The following MYO6 variants were observed in gnomAD, a reference collection of about 807,000 sequenced individuals.
MYO6 encodes unconventional myosin-VI.
Under a neutral mutation model 178.7 loss-of-function variants are expected in MYO6, and 74 were observed. That is an observed-to-expected ratio of 0.41 (90% confidence interval 0.34 to 0.50). The LOEUF (loss-of-function observed/expected upper bound fraction) is 0.50, where lower values mean the gene tolerates loss of function less well. MYO6 is among the 20% of genes least tolerant of loss of function. The probability of loss-of-function intolerance (pLI) is 0.09; values close to 1 mark genes in which losing one functional copy is unlikely to be tolerated. For synonymous variants in MYO6, 477 were observed against 504.6 expected, an observed-to-expected ratio of 0.95 and a Z score of 0.73; for missense variants, 1,330 against 1,547.4, an observed-to-expected ratio of 0.86 and a Z score of 2.36.
chr6:75,812,494 A>G (rs1770792924), intron 1 of MYO6, among the ~76,000 whole-genome samples: 1 of 152,176 alleles, frequency 6.6e-6, no homozygotes, highest in Non-Finnish European at 1.5e-5. Context: ...TTTAAATGAC[A>G]GTAAGTTACT....
In MYO6 at chr6:75,914,182, A is replaced by C; in HGVS notation, c.3559A>C (p.Ser1187Arg). The change falls in exon 34 of 35, where the codon AGT (serine) becomes CGT (arginine). Residue 1187 changes from serine (S) to arginine (R), a missense_variant. By Grantham distance (110) the Ser-to-Arg change is moderately radical (BLOSUM62 -1). Around this residue, in one of 3 missense-constraint regions of MYO6, gnomAD observed 601 missense variants for 626.1 expected, o/e 0.96. Coordinates refer to ENST00000369977, the MANE Select transcript of MYO6 (RefSeq NM_004999.4). ...TGCCGACCAGTACAAAGACCCTCAG[A>C]GTAAGAAAAAAGGCTGGTGGTATGC... The part of the protein sequence containing the change: ...RPADQYKDPQ[S>R]KKKGWWYAHF... The C allele has an allele frequency of 3.7e-6, 6 of 1,614,158 alleles. No individual in the cohort carries two copies. Among genetic ancestry groups the C allele is most frequent in the Non-Finnish European group, 4.2e-6 (5 of 1,180,028 alleles).
intron 7 of MYO6, among the ~76,000 whole-genome samples, chr6:75,839,178 A>T (rs6924528): frequency 0.4 from 60,078 of 151,500 alleles, 12,779 homozygotes; most frequent in Middle Eastern, 0.54. Context: ...TTTATTTTTT[A>T]ATTTATTTTA....
chr6:75,761,305 AG>A (rs1582990315), intron 1 of MYO6, among the ~76,000 whole-genome samples: 1 of 152,262 alleles, frequency 6.6e-6, no homozygotes, highest in East Asian at 1.9e-4. Flanking sequence ...GTTTTCTTTC[AG>A]GTATGGGAGG....
chr6:75,802,385 C>T (rs1435560132), intron 1 of MYO6, among the ~76,000 whole-genome samples: 1 of 151,852 alleles, frequency 6.6e-6, no homozygotes, highest in African/African-American at 2.4e-5. Context: ...AGGAGAATTG[C>T]TTGAACCCGG....
At chr6:75,807,514 C>T (rs558397633) in intron 1 of MYO6, among the ~76,000 whole-genome samples, 1 of 152,196 alleles carries the variant, frequency 6.6e-6, no homozygotes, top group Non-Finnish European at 1.5e-5. Flanking sequence ...CTCATATTCA[C>T]ATTTTATTTT....
chr6:75,845,644 C>T (rs1275672853), intron 10 of MYO6, among the ~76,000 whole-genome samples: 1 of 150,888 alleles, frequency 6.6e-6, no homozygotes, highest in South Asian at 2.1e-4. Flanking sequence ...CAGTGAGCCA[C>T]GATCATGCCA....
Position 75,830,487 on chromosome 6 carries a change from A to AATAAAGTC in MYO6, c.337_344dup (p.Tyr115Ter). 2 of 1,612,464 alleles carry AATAAAGTC rather than the reference A, an allele frequency of 1.2e-6. No individual in the cohort carries two copies. Among genetic ancestry groups the AATAAAGTC allele is most frequent in the Non-Finnish European group, 1.7e-6 (2 of 1,178,618 alleles). The stretch of plus-strand genomic sequence containing the variant: ...TACCTAAAATATATTCTTCAGAAGC[A>AATAAAGTC]ATAAAGTCATATCAAGGAAAATCTC... On this transcript the variant is annotated frameshift_variant, in exon 5 of 35. Transcript: ENST00000369977. LOFTEE classifies it high-confidence loss of function.
At chr6:75,766,644 A>G (rs1778443944) in intron 1 of MYO6, among the ~76,000 whole-genome samples, 2 of 152,166 alleles carry the variant, frequency 1.3e-5, no homozygotes, top group African/African-American at 4.8e-5. Context: ...TGGTGACTCA[A>G]ATATCTTTAT....
chr6:75,794,073 A>G (rs2150094877), intron 1 of MYO6, among the ~76,000 whole-genome samples: 1 of 152,312 alleles, frequency 6.6e-6, no homozygotes, highest in Middle Eastern at 3.4e-3. Flanking sequence ...CTGTAGAAAT[A>G]AAATTTTCTG....
chr6:75,809,900 T>C (rs1292590432), intron 1 of MYO6, among the ~76,000 whole-genome samples: 1 of 80,240 alleles, frequency 1.2e-5, no homozygotes, highest in African/African-American at 4.6e-5. Context: ...TTGTCTCTGC[T>C]AAAAAAAAAA....
At position 75,895,261 on chromosome 6, in the gene MYO6, G is replaced by T. The variant is rs200713129; in HGVS notation, c.3137+1G>T. On this transcript the variant is annotated splice_donor_variant, in intron 29 of 34. Coordinates refer to ENST00000369977, the MANE Select transcript of MYO6 (RefSeq NM_004999.4). LOFTEE classifies it high-confidence loss of function. ...ATGGAACAAGACCCAAAATGACACCGTATGTCACTTACCTTTACCTTTTTA... is the reference window on the plus strand; with the variant it reads ...ATGGAACAAGACCCAAAATGACACCTTATGTCACTTACCTTTACCTTTTTA... The T allele has an allele frequency of 1.2e-6, 2 of 1,604,430 alleles. No homozygotes were observed. Among genetic ancestry groups the T allele is most frequent in the South Asian group, 1.1e-5 (1 of 90,458 alleles).
At chr6:75,818,395 A>G (rs1771504096) in intron 2 of MYO6, among the ~76,000 whole-genome samples, 1 of 152,180 alleles carries the variant, frequency 6.6e-6, no homozygotes, top group Non-Finnish European at 1.5e-5. Context: ...TCCAGAGGAA[A>G]TAATCTCTTT....
At chr6:75,848,203 A>G (rs1774914072) in intron 10 of MYO6, 148 bp from the exon 11 acceptor site, 1 of 715,434 alleles carries the variant, frequency 1.4e-6, no homozygotes, top group Non-Finnish European at 2.4e-6. Context: ...ATGGTCATTT[A>G]GTTTTTGAAT....
chr6:75,763,177 C>T (rs1006430539), intron 1 of MYO6, among the ~76,000 whole-genome samples: 3 of 152,028 alleles, frequency 2.0e-5, no homozygotes, highest in African/African-American at 7.3e-5. Flanking sequence ...CAGGCACCTG[C>T]CACGCCTGGT....
Position 75,907,613 on chromosome 6 carries a change from C to G in MYO6, c.3185C>G (p.Ala1062Gly), listed in dbSNP as rs776663566. Residue 1062 changes from alanine (A) to glycine (G), a missense_variant, in exon 31 of 35, where the codon GCT becomes GGT. By Grantham distance (60) the Ala-to-Gly change is moderately conservative. Coordinates refer to ENST00000369977, the MANE Select transcript of MYO6 (RefSeq NM_004999.4). The part of the protein sequence containing the change: ...EMSEFLSRGP[A>G]VLATKAAAGT... Reference sequence around the variant, plus strand: ...ATGTGTAATAATTACAGAGGTCCTGCTGTACTAGCCACCAAAGCAGCTGCT... The same window carrying G: ...ATGTGTAATAATTACAGAGGTCCTGGTGTACTAGCCACCAAAGCAGCTGCT... 1.8e-5 allele frequency: 29 copies of G among 1,611,834 alleles called. No homozygotes were observed. Among genetic ancestry groups the G allele is most frequent in the African/African-American group, 2.7e-5 (2 of 74,838 alleles).
At chr6:75,781,302 AT>A (rs2150052455) in intron 1 of MYO6, among the ~76,000 whole-genome samples, 2 of 152,174 alleles carry the variant, frequency 1.3e-5, no homozygotes, top group Admixed American at 1.3e-4. Context: ...AGGAGGAGAG[AT>A]TTGCTTAATT....
At chr6:75,845,912 A>C (rs950537024) in intron 10 of MYO6, among the ~76,000 whole-genome samples, 2 of 151,744 alleles carry the variant, frequency 1.3e-5, no homozygotes, top group East Asian at 3.9e-4. Flanking sequence ...GCTTGAACCC[A>C]GGAGATAGAG....
intron 1 of MYO6, among the ~76,000 whole-genome samples, chr6:75,766,985 G>T (rs1778473379): frequency 6.6e-6 from 1 of 152,004 alleles, no homozygotes; most frequent in Non-Finnish European, 1.5e-5. Context: ...CATTTGTGCT[G>T]GCTGCAGTAT....
chr6:75,757,313 T>C (rs1032921742), intron 1 of MYO6, among the ~76,000 whole-genome samples: 1 of 148,842 alleles, frequency 6.7e-6, no homozygotes, highest in Non-Finnish European at 1.5e-5. Context: ...TACACACACA[T>C]ATACATATAG....
Sources: gnomAD v4.1 joint callset for allele counts (sites outside exome capture counted in the v4.1 genomes callset) on GRCh38, gnomAD v4.1.1 for gene constraint, gnomAD v4.1.1 regional missense constraint, MANE v1.5 for transcripts, NCBI Gene and HGNC (gene_info 2026-07-23, HGNC 2026-07-21) for gene names.